Variants in PRKCH observed in about 807,000 individuals in gnomAD.
The protein encoded by PRKCH is protein kinase C eta type.
PRKCH carries 28 observed loss-of-function variants against 82.5 expected under a neutral mutation model. That is an observed-to-expected ratio of 0.34 (90% confidence interval 0.25 to 0.47). PRKCH has a LOEUF of 0.47. Ranked by LOEUF, PRKCH falls within the 20% of genes least tolerant of loss-of-function variation. PRKCH has a pLI of 1.00. For synonymous variants in PRKCH, 322 were observed against 327.4 expected (o/e 0.98, Z 0.18); for missense variants, 705 against 881.8 (o/e 0.80, Z 2.54).
chr14:61,541,398 C>T (rs754832618), intron 12 of PRKCH, among the ~76,000 whole-genome samples: 5 of 152,222 alleles, frequency 3.3e-5, no homozygotes, highest in Non-Finnish European at 7.3e-5. Context: ...CTTTCTCTGC[C>T]CTTTCTCCCC....
At chr14:61,343,383 C>T (rs1426778793) in intron 1 of PRKCH, among the ~76,000 whole-genome samples, 1 of 106,768 alleles carries the variant, frequency 9.4e-6, no homozygotes, top group Non-Finnish European at 1.9e-5. Context: ...AAAGGAAAAA[C>T]AGACACTAGA....
chr14:61,522,369 TG>T (rs1254083163), intron 10 of PRKCH, among the ~76,000 whole-genome samples: 1 of 152,168 alleles, frequency 6.6e-6, no homozygotes, highest in Non-Finnish European at 1.5e-5. Flanking sequence ...GAGTTTTCCA[TG>T]GTTTATTGGG....
rs188187847 is a variant in PRKCH at position 61,449,080 on chromosome 14, C to T, written c.614-84C>T. Reference sequence around the variant, plus strand: ...CCAGACGAGTCCAGTCTTGTTGGCACGGTGCAGCCCTGGTTGACTCTGCTG... The same window carrying T: ...CCAGACGAGTCCAGTCTTGTTGGCATGGTGCAGCCCTGGTTGACTCTGCTG... On this transcript the variant is annotated intron_variant, in intron 4 of 13. Transcript: ENST00000332981. The T allele has an allele frequency of 7.2e-5, 93 of 1,288,794 alleles. No homozygotes were observed. The Admixed American group carries it at 9.8e-4, about 14-fold the overall frequency. 79.8% of individuals were successfully genotyped at this position (1,288,794 alleles called of 1,614,324 possible). A position where few individuals can be genotyped will look rare whatever the true frequency, so the allele number is the denominator to read the frequency against.
chr14:61,455,301 A>G (rs753513012), intron 7 of PRKCH, among the ~76,000 whole-genome samples: 14 of 151,252 alleles, frequency 9.3e-5, no homozygotes, highest in African/African-American at 1.2e-4. Flanking sequence ...CGGCCTCCCA[A>G]CGTGCTGGGA....
At chr14:61,192,515 T>C (rs575381286) in intron 1 of PRKCH, among the ~76,000 whole-genome samples, 23 of 152,290 alleles carry the variant, frequency 1.5e-4, no homozygotes, top group African/African-American at 5.5e-4. Context: ...TTTTATGAAG[T>C]TTTATGCTAT....
chr14:61,195,086 C>T (rs1594846345), intron 1 of PRKCH, among the ~76,000 whole-genome samples: 1 of 152,170 alleles, frequency 6.6e-6, no homozygotes, highest in East Asian at 1.9e-4. Flanking sequence ...TGCATATTTA[C>T]TTTTTCCATT....
At chr14:61,420,050 C>G (rs903060545) in intron 2 of PRKCH, among the ~76,000 whole-genome samples, 1 of 152,180 alleles carries the variant, frequency 6.6e-6, no homozygotes, top group Non-Finnish European at 1.5e-5. Flanking sequence ...CATGGGCATT[C>G]CGTGGTGAGT....
intron 1 of PRKCH, among the ~76,000 whole-genome samples, chr14:61,207,574 A>G (rs1198910291): frequency 1.3e-5 from 2 of 152,290 alleles, no homozygotes; most frequent in African/African-American, 2.4e-5. Flanking sequence ...TCAATTTACT[A>G]GTGATGAACA....
chr14:61,340,441 G>A (rs546469995), intron 1 of PRKCH, among the ~76,000 whole-genome samples: 5 of 152,182 alleles, frequency 3.3e-5, no homozygotes, highest in East Asian at 3.9e-4. Context: ...TTGTCATGGC[G>A]CATGGTCTCG....
intron 1 of PRKCH, among the ~76,000 whole-genome samples, chr14:61,265,435 C>T (rs938512941): frequency 6.6e-6 from 1 of 152,140 alleles, no homozygotes; most frequent in Non-Finnish European, 1.5e-5. Context: ...GAGCCAAGAT[C>T]GTGCCGTTGC....
chr14:61,470,053 G>A (rs933148282), intron 9 of PRKCH, among the ~76,000 whole-genome samples: 16 of 151,342 alleles, frequency 1.1e-4, no homozygotes, highest in African/African-American at 3.6e-4. Flanking sequence ...GGCAATTCCT[G>A]GATTTTCCTT....
At chr14:61,450,426 C>T (rs1199626380) in intron 5 of PRKCH, among the ~76,000 whole-genome samples, 6 of 152,000 alleles carry the variant, frequency 3.9e-5, no homozygotes, top group South Asian at 2.1e-4. Context: ...TTTTTCTTCC[C>T]GTGACACAAT....
chr14:61,498,324 T>A (rs1886754783), intron 10 of PRKCH, among the ~76,000 whole-genome samples: 1 of 152,120 alleles, frequency 6.6e-6, no homozygotes, highest in South Asian at 2.1e-4. Context: ...GAAATGCTAT[T>A]TTAGAAGTGA....
chr14:61,257,245 A>C (rs940490342), intron 1 of PRKCH, among the ~76,000 whole-genome samples: 1 of 152,210 alleles, frequency 6.6e-6, no homozygotes, highest in African/African-American at 2.4e-5. Context: ...ACACTGAGAC[A>C]ATCTCTTAAA....
At chr14:61,384,507 C>T (rs1403397361) in intron 1 of PRKCH, among the ~76,000 whole-genome samples, 2 of 151,912 alleles carry the variant, frequency 1.3e-5, no homozygotes. Flanking sequence ...TTCCTGATGT[C>T]GCAGATTGGT....
intron 1 of PRKCH, among the ~76,000 whole-genome samples, chr14:61,249,962 CA>C (rs563325610): frequency 6.7e-6 from 1 of 149,924 alleles, no homozygotes; most frequent in Non-Finnish European, 1.5e-5. Flanking sequence ...CTTATGTCCA[CA>C]AAAAAAATCT....
intron 1 of PRKCH, among the ~76,000 whole-genome samples, chr14:61,287,641 T>C (rs1177064411): frequency 6.6e-6 from 1 of 150,906 alleles, no homozygotes; most frequent in Non-Finnish European, 1.5e-5. Flanking sequence ...ACCTGGGAGG[T>C]GGAGGTTTCA....
intron 2 of PRKCH, among the ~76,000 whole-genome samples, chr14:61,437,266 T>C (rs1321431151): frequency 1.3e-5 from 2 of 152,208 alleles, no homozygotes; most frequent in Non-Finnish European, 2.9e-5. Context: ...TTTATGCAAG[T>C]AGTTCTTATT....
chr14:61,279,915 A>C (rs545082071), intron 1 of PRKCH: 3 of 595,816 alleles, frequency 5.0e-6, no homozygotes, highest in Admixed American at 6.3e-5. Context: ...CCCCGCGGCA[A>C]GACAGTCTAG....
Sources: allele counts gnomAD v4.1 joint callset (sites outside exome capture counted in the v4.1 genomes callset), GRCh38; gene constraint gnomAD v4.1.1; transcripts MANE v1.5; gene names NCBI Gene and HGNC (gene_info 2026-07-23, HGNC 2026-07-21).